Variants in RPL22 observed in about 807,000 individuals in gnomAD.
RPL22 encodes large ribosomal subunit protein eL22.
In RPL22, 4 loss-of-function variants were observed where a neutral mutation model predicts 16.2. That is an observed-to-expected ratio of 0.25 (90% CI 0.12 to 0.57). The LOEUF is 0.57. Among genes scored for constraint, RPL22 ranks in the 20% least tolerant of loss-of-function variants. The pLI is 0.92. For synonymous variants in RPL22, 43 were observed against 54.8 expected (o/e 0.78, Z 0.95); for missense variants, 83 against 156.1 (o/e 0.53, Z 2.49).
At position 6,192,779 on chromosome 1, in the gene RPL22, A is replaced by G. The variant is rs112914870; in HGVS notation, c.242+151T>C. On this transcript the variant is annotated intron_variant, in intron 3 of 3. Transcript: ENST00000234875. ...GTTGACTATTGTTAACAACCATAATAGCATTCATCCACTGCCTCCTGCACT... is the reference window on the plus strand; with the variant it reads ...GTTGACTATTGTTAACAACCATAATGGCATTCATCCACTGCCTCCTGCACT... The G allele has an allele frequency of 1.2e-4, 103 of 874,866 alleles. 1 individual carries two copies. The African/African-American group carries it at 1.5e-3, about 12-fold the overall frequency. The allele number at this position is 874,866 out of a possible 1,614,324, so 54.2% of individuals were successfully genotyped here.
At position 6,185,562 on chromosome 1, in the gene RPL22, G is replaced by A. The variant is rs1667573434; in HGVS notation, c.*1110C>T. The A allele has an allele frequency of 2.5e-6, 1 of 394,582 alleles. No individual in the cohort carries two copies. Among genetic ancestry groups the A allele is most frequent in the Non-Finnish European group, 4.5e-6 (1 of 223,916 alleles). The allele number at this position is 394,582 out of a possible 1,614,324, so 24.4% of individuals were successfully genotyped here. A position where few individuals can be genotyped will look rare whatever the true frequency, so the allele number is the denominator to read the frequency against. On this transcript the variant is annotated 3_prime_UTR_variant, in exon 4 of 4. Coordinates refer to ENST00000234875, the MANE Select transcript of RPL22 (RefSeq NM_000983.4). ...TGCAACTCGCAGGGCACAATTTCAAGTGTGGAAACCATCTGTAGGCAAGCT... is the reference window on the plus strand; with the variant it reads ...TGCAACTCGCAGGGCACAATTTCAAATGTGGAAACCATCTGTAGGCAAGCT...
intron 3 of RPL22, 123 bp from the exon 4 acceptor site, chr1:6,186,939 A>G (rs1667588657): frequency 1.4e-6 from 2 of 1,459,404 alleles, no homozygotes; most frequent in South Asian, 2.5e-5. Context: ...CAAGCCTCAA[A>G]AATGGCAAAG....
chr1:6,187,846 A>AC (rs1484813987), intron 3 of RPL22, among the ~76,000 whole-genome samples: 1 of 151,872 alleles, frequency 6.6e-6, no homozygotes, highest in Non-Finnish European at 1.5e-5. Flanking sequence ...ACGGAGTCAA[A>AC]CCCCCTTTTG....
chr1:6,187,336 CA>C (rs1557572078), intron 3 of RPL22, among the ~76,000 whole-genome samples: 1 of 150,554 alleles, frequency 6.6e-6, no homozygotes, highest in Non-Finnish European at 1.5e-5. Context: ...AAAACTAGGC[CA>C]GGGGCACTGG....
intron 2 of RPL22, among the ~76,000 whole-genome samples, chr1:6,195,803 C>T (rs1357649909): frequency 6.7e-6 from 1 of 149,748 alleles, no homozygotes; most frequent in Non-Finnish European, 1.5e-5. Context: ...TGGCTCATGC[C>T]TGTAATCCCA....
At chr1:6,188,843 G>A (rs1351383118) in intron 3 of RPL22, among the ~76,000 whole-genome samples, 1 of 150,560 alleles carries the variant, frequency 6.6e-6, no homozygotes, top group Non-Finnish European at 1.5e-5. Flanking sequence ...AGGCTGGAAT[G>A]GCACGATCTC....
chr1:6,196,555 G>A (rs1221916274), intron 2 of RPL22, among the ~76,000 whole-genome samples: 2 of 152,090 alleles, frequency 1.3e-5, no homozygotes, highest in Non-Finnish European at 2.9e-5. Flanking sequence ...CAACCTTCTG[G>A]AGAATTTAGA....
intron 3 of RPL22, among the ~76,000 whole-genome samples, chr1:6,190,581 T>A (rs536923127): frequency 6.6e-6 from 1 of 152,332 alleles, no homozygotes; most frequent in Admixed American, 6.5e-5. Flanking sequence ...AGTTTCTCCA[T>A]GTTGGTCAGC....
In RPL22 at chr1:6,186,722, G is replaced by C; in HGVS notation, c.337C>G (p.Arg113Gly). The change falls in exon 4 of 4, where the codon CGT becomes GGT. Residue 113 changes from arginine (R) to glycine (G), a missense_variant. By Grantham distance (125) the Arg-to-Gly change is moderately radical. Transcript: ENST00000234875. ...VANSKESYEL[R>G]YFQINQDEEE... ...TCGTCCTGGTTAATCTGGAAGTAAC[G>C]TAATTCGTAACTCTCTTTGCTGTTA... 6.3e-7 allele frequency: 1 copy of C among 1,590,102 alleles called. No homozygotes were observed. Among genetic ancestry groups the C allele is most frequent in the Non-Finnish European group, 8.6e-7 (1 of 1,161,880 alleles).
intron 3 of RPL22, among the ~76,000 whole-genome samples, chr1:6,190,569 G>A (rs545218407): frequency 3.9e-5 from 6 of 152,194 alleles, no homozygotes; most frequent in East Asian, 1.9e-4. Flanking sequence ...TAGTAGAAAC[G>A]GAGTTTCTCC....
Position 6,192,726 on chromosome 1 carries a change from G to A in RPL22, c.242+204C>T, listed in dbSNP as rs1008892677. On this transcript the variant is annotated intron_variant, in intron 3 of 3. Coordinates refer to ENST00000234875, the MANE Select transcript of RPL22 (RefSeq NM_000983.4). Reference sequence around the variant, plus strand: ...AAAAAAATAAAACACTTTAGCCTGTGAAAGACAAAATTTTAAAACCACCAA... The same window carrying A: ...AAAAAAATAAAACACTTTAGCCTGTAAAAGACAAAATTTTAAAACCACCAA... Among the ~76,000 whole-genome samples, 3 of 152,152 alleles carry A rather than the reference G, an allele frequency of 2.0e-5. No homozygotes were observed. In the South Asian group the frequency reaches 6.2e-4, roughly 32 times the overall value.
At chr1:6,189,715 T>C (rs1163100364) in intron 3 of RPL22, among the ~76,000 whole-genome samples, 1 of 148,884 alleles carries the variant, frequency 6.7e-6, no homozygotes, top group Admixed American at 6.7e-5. Context: ...AGGTCAGGAG[T>C]TCCAGACCAG....
At chr1:6,191,863 G>T (rs950016072) in intron 3 of RPL22, among the ~76,000 whole-genome samples, 19 of 151,900 alleles carry the variant, frequency 1.3e-4, no homozygotes, top group African/African-American at 4.6e-4. Context: ...GCCAGGCGTG[G>T]TGGCACATGC....
Position 6,192,123 on chromosome 1 carries a change from C to T in RPL22, c.242+807G>A, listed in dbSNP as rs185393613. Among the ~76,000 whole-genome samples the T allele has an allele frequency of 4.1e-4, 62 of 151,988 alleles. 1 individual carries two copies. The highest frequency in any genetic ancestry group is 1.5e-3 in the African/African-American group (61 of 41,458). On this transcript the variant is annotated intron_variant, in intron 3 of 3. Coordinates refer to ENST00000234875, the MANE Select transcript of RPL22 (RefSeq NM_000983.4). ...GGCCTGCAGTGGCACAATCACAGCT[C>T]ATTACAACCCTAACCTGCTGGGCTC...
chr1:6,199,167 T>C (rs755184289), intron 1 of RPL22: 10 of 219,420 alleles, frequency 4.6e-5, no homozygotes, highest in South Asian at 1.5e-4. Flanking sequence ...TCCCCGAGTC[T>C]TGGCCGTGGA....
Position 6,193,033 on chromosome 1 carries a change from T to A in RPL22, c.139A>T (p.Ile47Phe), listed in dbSNP as rs1167625374. Residue 47 changes from isoleucine (I) to phenylalanine (F), a missense_variant, in exon 3 of 4, where the codon ATC (isoleucine) becomes TTC (phenylalanine). Coordinates refer to ENST00000234875, the MANE Select transcript of RPL22 (RefSeq NM_000983.4). ...TTCCCAGCTTTTCCGTTCACTTTGA[T>A]CCTTTCTTGCAAAAACTGCTCCTGT... ...ANFEQFLQER[I>F]KVNGKAGNLG... 6.2e-7 allele frequency: 1 copy of A among 1,614,226 alleles called. No individual in the cohort carries two copies. The highest frequency in any genetic ancestry group is 1.7e-5 in the Admixed American group (1 of 60,032).
chr1:6,199,152 A>C, intron 1 of RPL22: 1 of 201,404 alleles, frequency 5.0e-6, no homozygotes. Context: ...CCTTCCGCGG[A>C]TTCGTCCCCG....
intron 3 of RPL22, among the ~76,000 whole-genome samples, chr1:6,191,611 C>T (rs1397134679): frequency 4.4e-5 from 6 of 135,262 alleles, no homozygotes; most frequent in Non-Finnish European, 9.5e-5. Context: ...GGAGGCAGAG[C>T]TTGCAGTGAG....
intron 3 of RPL22, among the ~76,000 whole-genome samples, chr1:6,189,852 C>T (rs1396467392): frequency 6.6e-6 from 1 of 152,082 alleles, no homozygotes; most frequent in Admixed American, 6.6e-5. Flanking sequence ...ACCTGGGAGG[C>T]GGAGGTTTCA....
Sources: allele counts gnomAD v4.1 joint callset (sites outside exome capture counted in the v4.1 genomes callset), GRCh38; gene constraint gnomAD v4.1.1; transcripts MANE v1.5; gene names NCBI Gene and HGNC (gene_info 2026-07-23, HGNC 2026-07-21).